Variants in ANK3 observed in about 807,000 individuals in gnomAD.
ANK3 encodes ankyrin 3, also known as ankyrin-3.
ANK3 carries 57 observed loss-of-function variants against 370.9 expected under a neutral mutation model. The ratio of observed to expected loss-of-function variants is 0.15; its 90% confidence interval spans 0.12 to 0.19. The LOEUF (loss-of-function observed/expected upper bound fraction) is 0.19, where lower values mean the gene tolerates loss of function less well. ANK3 is among the 10% of genes least tolerant of loss of function. ANK3 has a pLI of 1.00. For missense variants in ANK3, 4,439 were observed against 5,302.1 expected (o/e 0.84, Z 5.06); for synonymous variants, 1,929 against 1,946.3 (o/e 0.99, Z 0.23).
At chr10:60,678,799 T>C (rs1338819142) in intron 1 of ANK3, among the ~76,000 whole-genome samples, 2 of 152,220 alleles carry the variant, frequency 1.3e-5, no homozygotes, top group Admixed American at 1.3e-4. Context: ...TCTGTAACTT[T>C]TCTCTTTAAT....
At chr10:60,441,423 T>G (rs1222736085) in intron 2 of ANK3, among the ~76,000 whole-genome samples, 1 of 152,204 alleles carries the variant, frequency 6.6e-6, no homozygotes, top group Non-Finnish European at 1.5e-5. Context: ...TGACTCTTAT[T>G]ATCAGAAGCC....
At chr10:60,564,620 A>G (rs2077415984) in intron 2 of ANK3, among the ~76,000 whole-genome samples, 1 of 152,214 alleles carries the variant, frequency 6.6e-6, no homozygotes, top group Non-Finnish European at 1.5e-5. Flanking sequence ...TGAAAATTAG[A>G]AATGGACATT....
At chr10:60,313,238 T>A (rs1340802522) in intron 1 of ANK3, among the ~76,000 whole-genome samples, 4 of 152,180 alleles carry the variant, frequency 2.6e-5, no homozygotes, top group Non-Finnish European at 4.4e-5. Flanking sequence ...CGAAGAGATA[T>A]CCTCAAGAGA....
chr10:60,140,756 T>G (rs758185889), intron 23 of ANK3: 50 of 1,084,378 alleles, frequency 4.6e-5, no homozygotes, highest in Non-Finnish European at 5.6e-5. Context: ...CCTGAGTTAT[T>G]TGTATGTAAA....
intron 1 of ANK3, among the ~76,000 whole-genome samples, chr10:60,306,491 G>A (rs958746525): frequency 9.3e-5 from 14 of 150,716 alleles, no homozygotes; most frequent in Non-Finnish European, 1.0e-4. Context: ...GGACATTTAG[G>A]TTGGTTCCAT....
intron 25 of ANK3, among the ~76,000 whole-genome samples, chr10:60,132,530 T>C (rs2094137161): frequency 6.6e-6 from 1 of 152,192 alleles, no homozygotes; most frequent in Admixed American, 6.5e-5. Context: ...GAACTGTGAG[T>C]CAATTAAACC....
chr10:60,169,364 GTT>G (rs71015773), intron 21 of ANK3, among the ~76,000 whole-genome samples: 1,105 of 51,888 alleles, frequency 0.021, 21 homozygotes, highest in African/African-American at 0.078. Flanking sequence ...TTGTCTCATA[GTT>G]TTTTTTTTTT....
rs76399568 is a variant in ANK3 at position 60,203,756 on chromosome 10, T to A, written c.1294-656A>T. 2.9e-4 allele frequency among the ~76,000 whole-genome samples: 44 copies of A among 152,310 alleles called. No homozygotes were observed. In the East Asian group the frequency reaches 8.3e-3, roughly 29 times the overall value. On this transcript the variant is annotated intron_variant, in intron 11 of 43. Coordinates refer to ENST00000280772, the MANE Select transcript of ANK3 (RefSeq NM_020987.5). ...ACACATACATATACATAAATGTACA[T>A]AGACCCCAGAATACTCTTCAGCGTA...
chr10:60,196,433 A>G, intron 15 of ANK3, 94 bp downstream of exon 15: 1 of 981,426 alleles, frequency 1.0e-6, no homozygotes, highest in Non-Finnish European at 1.6e-6. Flanking sequence ...TTAAATATTT[A>G]GTTATAATTT....
chr10:60,568,358 G>C (rs190351265), intron 2 of ANK3, among the ~76,000 whole-genome samples: 1 of 152,130 alleles, frequency 6.6e-6, no homozygotes, highest in Admixed American at 6.5e-5. Context: ...ATTAAGACTC[G>C]CAGAAAGTTC....
At chr10:60,725,140 A>G (rs1303781266) in intron 1 of ANK3, among the ~76,000 whole-genome samples, 1 of 152,170 alleles carries the variant, frequency 6.6e-6, no homozygotes, top group Non-Finnish European at 1.5e-5. Context: ...AAACTCACAT[A>G]AAGGATTTAA....
rs1210880613 is a variant in ANK3, at chr10:60,697,308, C to T, written c.57+35955G>A. ...GCTCATGGGTAGGAAAAATCAATATCGTGAAAATGGCCATACTGCCCAAGG... is the reference window on the plus strand; with the variant it reads ...GCTCATGGGTAGGAAAAATCAATATTGTGAAAATGGCCATACTGCCCAAGG... On this transcript the variant is annotated intron_variant, in intron 1 of 43. Transcript: ENST00000373827. 6.3e-3 allele frequency among the ~76,000 whole-genome samples: 963 copies of T among 151,896 alleles called. 10 individuals are homozygous for T. Among genetic ancestry groups the T allele is most frequent in the African/African-American group, 0.021 (874 of 41,408 alleles).
intron 2 of ANK3, among the ~76,000 whole-genome samples, chr10:60,501,328 G>A (rs2075789964): frequency 6.6e-6 from 1 of 152,226 alleles, no homozygotes; most frequent in Non-Finnish European, 1.5e-5. Flanking sequence ...CTTTCTTAAA[G>A]AGGGTGTATT....
chr10:60,481,910 T>C (rs1308993647), intron 2 of ANK3, among the ~76,000 whole-genome samples: 1 of 152,208 alleles, frequency 6.6e-6, no homozygotes, highest in Non-Finnish European at 1.5e-5. Flanking sequence ...CCCCAGAATT[T>C]GGGTTTACAG....
intron 1 of ANK3, among the ~76,000 whole-genome samples, chr10:60,704,004 A>G (rs1490035003): frequency 1.3e-5 from 2 of 152,180 alleles, no homozygotes; most frequent in Admixed American, 1.3e-4. Context: ...AAGCCCCGCA[A>G]CTTCCACCTG....
At chr10:60,291,377 T>C (rs901921706) in intron 1 of ANK3, among the ~76,000 whole-genome samples, 15 of 152,192 alleles carry the variant, frequency 9.9e-5, no homozygotes, top group African/African-American at 3.6e-4. Context: ...TGGCCAACTA[T>C]TTTGACTTCA....
intron 9 of ANK3, among the ~76,000 whole-genome samples, chr10:60,211,038 C>G (rs928294652): frequency 6.6e-6 from 1 of 152,146 alleles, no homozygotes; most frequent in African/African-American, 2.4e-5. Context: ...CAATCAGGAT[C>G]CAGCACACTG....
At chr10:60,213,730 A>G (rs932729900) in intron 8 of ANK3, among the ~76,000 whole-genome samples, 12 of 152,326 alleles carry the variant, frequency 7.9e-5, no homozygotes, top group Admixed American at 2.6e-4. Flanking sequence ...CACAAGTTTG[A>G]ATATTGACGT....
chr10:60,463,492 A>G (rs1187573891), intron 2 of ANK3, among the ~76,000 whole-genome samples: 1 of 152,082 alleles, frequency 6.6e-6, no homozygotes, highest in Non-Finnish European at 1.5e-5. Context: ...GGGTAAAATC[A>G]CTCAACTATT....
Sources: gnomAD v4.1 joint callset for allele counts (sites outside exome capture counted in the v4.1 genomes callset) on GRCh38, gnomAD v4.1.1 for gene constraint, MANE v1.5 for transcripts, NCBI Gene and HGNC (gene_info 2026-07-23, HGNC 2026-07-21) for gene names.